Variants in CNTNAP2 observed in about 807,000 individuals in gnomAD.
CNTNAP2 encodes the protein contactin-associated protein-like 2.
CNTNAP2 carries 98 observed loss-of-function variants against 155.2 expected under a neutral mutation model. The ratio of observed to expected loss-of-function variants is 0.63; its 90% CI spans 0.54 to 0.75. The LOEUF (loss-of-function observed/expected upper bound fraction) is 0.75, where lower values mean the gene tolerates loss of function less well. CNTNAP2 is among the 30% of genes least tolerant of loss of function. CNTNAP2 has a pLI of 0.00. For missense variants in CNTNAP2, 1,727 were observed against 1,688.1 expected (o/e 1.02, Z -0.40); for synonymous variants, 651 against 631.2 (o/e 1.03, Z -0.47).
intron 1 of CNTNAP2, among the ~76,000 whole-genome samples, chr7:146,147,515 G>T (rs1043525880): frequency 6.6e-6 from 1 of 152,092 alleles, no homozygotes; most frequent in Non-Finnish European, 1.5e-5. Flanking sequence ...TAATGCAGAT[G>T]ATTAAAGTAG....
At chr7:147,805,579 A>G (rs1798077644) in intron 13 of CNTNAP2, among the ~76,000 whole-genome samples, 1 of 152,040 alleles carries the variant, frequency 6.6e-6, no homozygotes, top group South Asian at 2.1e-4. Context: ...TACAGCCTTT[A>G]TTGTGTTGAG....
intron 3 of CNTNAP2, among the ~76,000 whole-genome samples, chr7:146,988,912 G>A (rs188570186): frequency 2.6e-5 from 4 of 152,286 alleles, no homozygotes; most frequent in African/African-American, 9.6e-5. Context: ...TCGGAGCCCT[G>A]TGTTTTTCAG....
At chr7:147,352,539 T>C (rs1795984538) in intron 9 of CNTNAP2, among the ~76,000 whole-genome samples, 1 of 152,020 alleles carries the variant, frequency 6.6e-6, no homozygotes, top group Non-Finnish European at 1.5e-5. Context: ...TCTACAGTTT[T>C]TAGAAGCTGT....
chr7:146,371,161 G>A (rs906118938), intron 1 of CNTNAP2, among the ~76,000 whole-genome samples: 3 of 151,568 alleles, frequency 2.0e-5, no homozygotes, highest in Non-Finnish European at 2.9e-5. Flanking sequence ...TTTCTGGTGT[G>A]CATCTGCTAT....
Position 148,238,079 on chromosome 7 carries a change from G to A in CNTNAP2, c.3381+8300G>A, listed in dbSNP as rs149114377. On this transcript the variant is annotated intron_variant, in intron 20 of 23. Transcript: ENST00000361727. ...GATTAAGAAGTCCCAGGCCAGGCGC[G>A]GTGGCTCACGCCTGTAATCCCAGCA... Among the ~76,000 whole-genome samples the A allele has an allele frequency of 7.9e-5, 12 of 152,298 alleles. No individual in the cohort carries two copies. The East Asian group carries it at 9.6e-4, about 12-fold the overall frequency.
intron 22 of CNTNAP2, among the ~76,000 whole-genome samples, chr7:148,398,021 A>G (rs1041931822): frequency 6.6e-6 from 1 of 152,252 alleles, no homozygotes; most frequent in African/African-American, 2.4e-5. Flanking sequence ...GATTGGAATT[A>G]TAAATTTCCC....
chr7:148,182,693 T>C (rs945692662), intron 18 of CNTNAP2, among the ~76,000 whole-genome samples: 1 of 152,228 alleles, frequency 6.6e-6, no homozygotes, highest in African/African-American at 2.4e-5. Context: ...AAATAGGCAT[T>C]TTATATTTTT....
chr7:146,405,364 G>A (rs980609406), intron 1 of CNTNAP2, among the ~76,000 whole-genome samples: 2 of 152,150 alleles, frequency 1.3e-5, no homozygotes, highest in African/African-American at 4.8e-5. Flanking sequence ...AATCTTGCCT[G>A]CTTTGCTCAG....
At chr7:146,861,472 T>C (rs1283074516) in intron 3 of CNTNAP2, among the ~76,000 whole-genome samples, 1 of 152,172 alleles carries the variant, frequency 6.6e-6, no homozygotes, top group Non-Finnish European at 1.5e-5. Context: ...AGAAAACTTT[T>C]AGTGAAGAAT....
chr7:147,053,564 T>C (rs1799509047), intron 4 of CNTNAP2, among the ~76,000 whole-genome samples: 1 of 152,058 alleles, frequency 6.6e-6, no homozygotes, highest in Admixed American at 6.6e-5. Flanking sequence ...ACTTTCAAAG[T>C]TAAACTGACA....
rs563711347 is a variant in CNTNAP2 at position 148,183,607 on chromosome 7, G to C, written c.3010+11129G>C. ...AGTGATCCTCCCACCTTGGCCCCCA[G>C]AGTAGCTGGGACTATAGGCATGTGC... On this transcript the variant is annotated intron_variant, in intron 18 of 23. Transcript: ENST00000361727. Among the ~76,000 whole-genome samples, 5 of 149,554 alleles carry C rather than the reference G, an allele frequency of 3.3e-5. No homozygotes were observed. In the South Asian group the frequency reaches 8.6e-4, roughly 26 times the overall value.
rs138208009 is a variant in CNTNAP2 at position 147,999,763 on chromosome 7, C to T, written c.2383+21774C>T. On this transcript the variant is annotated intron_variant, in intron 15 of 23. Coordinates refer to ENST00000361727, the MANE Select transcript of CNTNAP2 (RefSeq NM_014141.6). ...CACACACTCTCACACACGGGGAGAA[C>T]ACTATGAAAAAATGGAGGTAGAAGT... Among the ~76,000 whole-genome samples, 6 of 152,160 alleles carry T rather than the reference C, an allele frequency of 3.9e-5. No individual in the cohort carries two copies. The East Asian group carries it at 1.2e-3, about 29-fold the overall frequency.
chr7:148,192,695 C>T (rs1795219299), intron 18 of CNTNAP2, among the ~76,000 whole-genome samples: 2 of 152,130 alleles, frequency 1.3e-5, no homozygotes, highest in African/African-American at 2.4e-5. Context: ...AGGAAGGATA[C>T]GTGACACATG....
intron 1 of CNTNAP2, among the ~76,000 whole-genome samples, chr7:146,703,949 T>C (rs1800920371): frequency 6.6e-6 from 1 of 152,106 alleles, no homozygotes. Flanking sequence ...ACAAACTCCT[T>C]TCATCTGTGC....
intron 11 of CNTNAP2, among the ~76,000 whole-genome samples, chr7:147,521,956 G>A (rs1199778480): frequency 1.3e-5 from 2 of 152,142 alleles, no homozygotes; most frequent in Non-Finnish European, 2.9e-5. Context: ...GCCATAAACT[G>A]CATGGCTTAT....
intron 1 of CNTNAP2, among the ~76,000 whole-genome samples, chr7:146,724,972 G>A (rs1801405839): frequency 6.6e-6 from 1 of 152,150 alleles, no homozygotes; most frequent in Non-Finnish European, 1.5e-5. Context: ...CTCTCACAGT[G>A]TGGAGGTTAA....
At chr7:146,643,414 G>T (rs1799748911) in intron 1 of CNTNAP2, among the ~76,000 whole-genome samples, 1 of 152,022 alleles carries the variant, frequency 6.6e-6, no homozygotes, top group African/African-American at 2.4e-5. Context: ...TATTAAATAG[G>T]GAATCCTTTC....
chr7:147,556,078 C>T (rs1232181521), intron 11 of CNTNAP2, among the ~76,000 whole-genome samples: 2 of 152,172 alleles, frequency 1.3e-5, no homozygotes, highest in African/African-American at 4.8e-5. Flanking sequence ...ATTTCTCTGT[C>T]ACATCGTCTG....
At chr7:148,295,212 T>G (rs572007977) in intron 21 of CNTNAP2, among the ~76,000 whole-genome samples, 39 of 152,312 alleles carry the variant, frequency 2.6e-4, no homozygotes, top group Admixed American at 6.5e-4. Flanking sequence ...TGTAGGAAAT[T>G]TAGGAACTTA....
Sources: allele counts gnomAD v4.1 joint callset (sites outside exome capture counted in the v4.1 genomes callset), GRCh38; gene constraint gnomAD v4.1.1; transcripts MANE v1.5; gene names NCBI Gene and HGNC (gene_info 2026-07-23, HGNC 2026-07-21).